The following PCDHA3 variants were observed in gnomAD, a reference collection of about 807,000 sequenced individuals.
The protein encoded by PCDHA3 is protocadherin alpha-3.
In PCDHA3, 41 loss-of-function variants were observed where a neutral mutation model predicts 62.2. That is an observed-to-expected ratio of 0.66 (90% confidence interval 0.51 to 0.86). The LOEUF (loss-of-function observed/expected upper bound fraction) is 0.86, where lower values mean the gene tolerates loss of function less well. Among genes scored for constraint, PCDHA3 ranks in the 40% least tolerant of loss-of-function variants. The pLI is 0.00. For missense variants in PCDHA3, 1,304 were observed against 1,241.2 expected (o/e 1.05, Z -0.76); for synonymous variants, 640 against 555.4 (o/e 1.15, Z -2.14).
chr5:140,874,195 A>C (rs2054770978), intron 1 of PCDHA3, among the ~76,000 whole-genome samples: 1 of 152,222 alleles, frequency 6.6e-6, no homozygotes, highest in Non-Finnish European at 1.5e-5. Flanking sequence ...GTCATATTTC[A>C]GTTGCCTTTA....
chr5:141,011,237 A>G lies in PCDHA3; in HGVS notation c.*1300A>G, dbSNP rs562746586. Reference sequence around the variant, plus strand: ...GATTTTTCAATCTACTAATTCTGTGACTTGTCTTGGTGTGCTAGCCTACAC... The same window carrying G: ...GATTTTTCAATCTACTAATTCTGTGGCTTGTCTTGGTGTGCTAGCCTACAC... On this transcript the variant is annotated 3_prime_UTR_variant, in exon 4 of 4. Transcript: ENST00000522353. The G allele has an allele frequency of 6.5e-6, 1 of 153,754 alleles. No homozygotes were observed. Among genetic ancestry groups the G allele is most frequent in the South Asian group, 2.1e-4 (1 of 4,812 alleles). The allele number at this position is 153,754 out of a possible 1,614,324, so 9.5% of individuals were successfully genotyped here.
rs2096607447 is a variant in PCDHA3, at chr5:140,973,909, C to T, written c.2395-5040C>T. 2.0e-5 allele frequency among the ~76,000 whole-genome samples: 3 copies of T among 152,194 alleles called. 1 individual carries two copies. The highest frequency in any genetic ancestry group is 2.0e-4 in the Admixed American group (3 of 15,280). On this transcript the variant is annotated intron_variant, in intron 1 of 3. Coordinates refer to ENST00000522353, the MANE Select transcript of PCDHA3 (RefSeq NM_018906.3). ...ATTTGCAAATGTTTGAGGAAACATT[C>T]CTGTCACCAAACCCAGAGGTTTAGC...
intron 1 of PCDHA3, chr5:140,863,153 A>T (rs1554157836): frequency 1.6e-6 from 1 of 625,716 alleles, no homozygotes; most frequent in South Asian, 1.4e-5. Flanking sequence ...GTGAAGGACC[A>T]CTGCGAGCTG....
intron 1 of PCDHA3, chr5:140,842,489 A>G (rs1778000282): frequency 6.2e-7 from 1 of 1,613,908 alleles, no homozygotes; most frequent in Middle Eastern, 1.6e-4. Context: ...CTGCTCCCTG[A>G]TGCCCCATGT....
chr5:140,905,864 A>C (rs265313), intron 1 of PCDHA3, among the ~76,000 whole-genome samples: 7,097 of 152,260 alleles, frequency 0.047, 295 homozygotes, highest in African/African-American at 0.11. Context: ...AACTCACACA[A>C]TCACAAGGCC....
chr5:140,843,680 G>T, intron 1 of PCDHA3: 1 of 1,588,882 alleles, frequency 6.3e-7, no homozygotes, highest in East Asian at 2.2e-5. Flanking sequence ...TGATGTAGGC[G>T]AAGAGCAAGA....
intron 1 of PCDHA3, among the ~76,000 whole-genome samples, chr5:140,905,871 G>C (rs889363141): frequency 6.6e-6 from 1 of 152,078 alleles, no homozygotes; most frequent in African/African-American, 2.4e-5. Context: ...ACAATCACAA[G>C]GCCCAACAAT....
intron 1 of PCDHA3, among the ~76,000 whole-genome samples, chr5:140,878,707 A>C (rs1450914173): frequency 2.0e-5 from 3 of 152,232 alleles, no homozygotes; most frequent in Non-Finnish European, 4.4e-5. Context: ...GCCTGGTAGT[A>C]AAGGCATTAA....
intron 3 of PCDHA3, among the ~76,000 whole-genome samples, chr5:140,993,704 A>G (rs1032326931): frequency 3.3e-5 from 5 of 152,172 alleles, no homozygotes; most frequent in African/African-American, 1.2e-4. Flanking sequence ...TTGTAATACC[A>G]TATTTTTACT....
intron 1 of PCDHA3, chr5:140,883,864 G>A: frequency 6.2e-7 from 1 of 1,613,210 alleles, no homozygotes; most frequent in East Asian, 2.2e-5. Flanking sequence ...AGCTGTTGCA[G>A]TTCCAGGTGA....
intron 1 of PCDHA3, chr5:140,805,246 A>G (rs1304831560): frequency 7.6e-7 from 1 of 1,318,510 alleles, no homozygotes; most frequent in South Asian, 2.3e-5. Context: ...CCATCTGTAC[A>G]TTAAAATACC....
chr5:140,924,036 C>A (rs2081633869), intron 1 of PCDHA3, among the ~76,000 whole-genome samples: 1 of 152,162 alleles, frequency 6.6e-6, no homozygotes, highest in African/African-American at 2.4e-5. Context: ...TGGCTGCAGA[C>A]CTAAAAGTTC....
intron 1 of PCDHA3, chr5:140,851,534 A>G: frequency 1.1e-6 from 1 of 902,820 alleles, no homozygotes; most frequent in Non-Finnish European, 1.4e-6. Flanking sequence ...CTGACAATGT[A>G]GATAATTCAA....
intron 1 of PCDHA3, chr5:140,830,128 A>C: frequency 6.2e-7 from 1 of 1,613,412 alleles, no homozygotes; most frequent in Non-Finnish European, 8.5e-7. Context: ...CAAAGGCGTC[A>C]TCACGGGCGT....
At chr5:140,806,105 T>C (rs563765261) in intron 1 of PCDHA3, among the ~76,000 whole-genome samples, 1 of 152,264 alleles carries the variant, frequency 6.6e-6, no homozygotes, top group Non-Finnish European at 1.5e-5. Flanking sequence ...CCTGTTCAAT[T>C]GGTTTGATCA....
intron 1 of PCDHA3, among the ~76,000 whole-genome samples, chr5:140,900,492 G>A (rs2068087412): frequency 6.6e-6 from 1 of 152,174 alleles, no homozygotes; most frequent in African/African-American, 2.4e-5. Flanking sequence ...GGTCAGACTG[G>A]TCTCAAATTC....
chr5:140,962,637 T>A (rs556134281), intron 1 of PCDHA3, among the ~76,000 whole-genome samples: 3 of 152,338 alleles, frequency 2.0e-5, no homozygotes, highest in Admixed American at 6.5e-5. Flanking sequence ...AATTTAGCCA[T>A]CAAGTTATGT....
intron 1 of PCDHA3, chr5:140,828,238 G>A (rs2150152865): frequency 3.7e-6 from 6 of 1,613,818 alleles, no homozygotes; most frequent in Non-Finnish European, 5.1e-6. Context: ...GCCGGATCGC[G>A]CAGGACCTGG....
chr5:140,843,622 G>T, intron 1 of PCDHA3: 2 of 1,596,026 alleles, frequency 1.3e-6, no homozygotes, highest in Non-Finnish European at 1.7e-6. Flanking sequence ...CACCGAAGAC[G>T]GACCTCATGG....
Sources: gnomAD v4.1 joint callset for allele counts (sites outside exome capture counted in the v4.1 genomes callset) on GRCh38, gnomAD v4.1.1 for gene constraint, MANE v1.5 for transcripts, NCBI Gene and HGNC (gene_info 2026-07-23, HGNC 2026-07-21) for gene names.